Variants in PAX5 observed in about 807,000 individuals in gnomAD.
PAX5 encodes paired box protein Pax-5.
Under a neutral mutation model 43.7 loss-of-function variants are expected in PAX5, and 9 were observed. The observed-to-expected ratio is 0.21, with a 90% CI of 0.12 to 0.36. PAX5 has a LOEUF of 0.36. Ranked by LOEUF, PAX5 falls within the 10% of genes least tolerant of loss-of-function variation. PAX5 has a pLI of 1.00. For missense variants in PAX5, 383 were observed against 532.7 expected, an observed-to-expected ratio of 0.72 and a Z score of 2.77; for synonymous variants, 228 against 214.3, an observed-to-expected ratio of 1.06 and a Z score of -0.56.
In PAX5 at chr9:36,852,879, A is replaced by AT. The variant is rs1823298911; in HGVS notation, c.1013-5951dup. Among the ~76,000 whole-genome samples, 3 of 152,280 alleles carry AT rather than the reference A, an allele frequency of 2.0e-5. No homozygotes were observed. In the South Asian group the frequency reaches 6.2e-4, roughly 32 times the overall value. On this transcript the variant is annotated intron_variant, in intron 8 of 9. Transcript: ENST00000358127. ...AGCAGGGCCTGGGACCCTGGCCTAT[A>AT]TTCCCAGACCCCAGGGATCCCACCA...
chr9:36,917,829 G>A (rs149244303), intron 7 of PAX5, among the ~76,000 whole-genome samples: 73 of 152,320 alleles, frequency 4.8e-4, no homozygotes, highest in Non-Finnish European at 8.7e-4. Flanking sequence ...CTCCCTTCCT[G>A]TCTCTGGGTC....
At chr9:37,023,145 G>C (rs1839999893) in intron 1 of PAX5, among the ~76,000 whole-genome samples, 1 of 152,090 alleles carries the variant, frequency 6.6e-6, no homozygotes, top group Non-Finnish European at 1.5e-5. Context: ...GAGAGAGAGA[G>C]CCTGGAAAGG....
In PAX5 at chr9:36,966,468, G is replaced by A. The variant is rs144142431; in HGVS notation, c.780+81C>T. The A allele has an allele frequency of 1.2e-4, 185 of 1,487,364 alleles. No homozygotes were observed. In the African/African-American group the frequency reaches 2.2e-3, roughly 18 times the overall value. The allele number at this position is 1,487,364 out of a possible 1,614,324, so 92.1% of individuals were successfully genotyped here. On this transcript the variant is annotated intron_variant, in intron 6 of 9. Transcript: ENST00000358127. ...CCTGGTGTGCCCTCACCCACACCCC[G>A]CCAGATGCCTCTGCCTTCAGGAACC...
At chr9:36,886,982 C>T (rs891813994) in intron 7 of PAX5, among the ~76,000 whole-genome samples, 5 of 152,154 alleles carry the variant, frequency 3.3e-5, no homozygotes, top group African/African-American at 1.2e-4. Context: ...ATAACTCACT[C>T]TTTGCAATCC....
intron 8 of PAX5, among the ~76,000 whole-genome samples, chr9:36,853,327 C>T (rs1563892683): frequency 6.6e-6 from 1 of 152,084 alleles, no homozygotes; most frequent in Non-Finnish European, 1.5e-5. Flanking sequence ...GTGACCCAAA[C>T]CCCTACCAAG....
intron 8 of PAX5, among the ~76,000 whole-genome samples, chr9:36,874,127 T>C (rs1825719689): frequency 6.6e-6 from 1 of 152,140 alleles, no homozygotes; most frequent in Admixed American, 6.5e-5. Flanking sequence ...AGAACCTCAA[T>C]ACCCTTCCTA....
Position 36,947,671 on chromosome 9 carries a change from A to G in PAX5, c.780+18878T>C, listed in dbSNP as rs566092305. 7.3e-5 allele frequency among the ~76,000 whole-genome samples: 11 copies of G among 151,288 alleles called. 1 individual carries two copies. The South Asian group carries it at 2.3e-3, about 31-fold the overall frequency. ...ACATTACTGTATTACATATTATATG[A>G]TGTTTCATTATATTATATTTGTACG... On this transcript the variant is annotated intron_variant, in intron 6 of 9. Coordinates refer to ENST00000358127, the MANE Select transcript of PAX5 (RefSeq NM_016734.3).
intron 3 of PAX5, among the ~76,000 whole-genome samples, chr9:37,009,588 G>A (rs528091264): frequency 1.3e-5 from 2 of 152,118 alleles, no homozygotes; most frequent in Admixed American, 1.3e-4. Flanking sequence ...CAAAAAAATA[G>A]AAAGAATGAA....
chr9:37,025,753 C>A (rs2132531557), intron 1 of PAX5, among the ~76,000 whole-genome samples: 1 of 152,348 alleles, frequency 6.6e-6, no homozygotes, highest in South Asian at 2.1e-4. Context: ...ATGACCCTTC[C>A]CGTCTCCTAC....
chr9:36,970,257 T>C (rs532490764), intron 5 of PAX5, among the ~76,000 whole-genome samples: 25 of 152,200 alleles, frequency 1.6e-4, no homozygotes, highest in Non-Finnish European at 3.2e-4. Context: ...AGGAACTGCA[T>C]GGAACCGTGA....
intron 8 of PAX5, among the ~76,000 whole-genome samples, chr9:36,866,065 G>A (rs1422206681): frequency 6.6e-6 from 1 of 152,198 alleles, no homozygotes; most frequent in Non-Finnish European, 1.5e-5. Flanking sequence ...AGGTCAGGAA[G>A]GTGCCTCAAA....
chr9:36,981,192 C>G lies in PAX5; in HGVS notation c.605-14468G>C, dbSNP rs575768896. Among the ~76,000 whole-genome samples, 311 of 149,890 alleles carry G rather than the reference C, an allele frequency of 2.1e-3. 1 individual carries two copies. The highest frequency in any genetic ancestry group is 6.9e-3 in the Middle Eastern group (2 of 290). ...CCCTCCAAAAACAGCAAAGCCCCCCCCCCCTCAGCCCTGCTTCATTCCCTG... is the reference window on the plus strand; with the variant it reads ...CCCTCCAAAAACAGCAAAGCCCCCCGCCCCTCAGCCCTGCTTCATTCCCTG... On this transcript the variant is annotated intron_variant, in intron 5 of 9. Transcript: ENST00000358127.
intron 7 of PAX5, among the ~76,000 whole-genome samples, chr9:36,914,250 C>T (rs1190097132): frequency 6.6e-6 from 1 of 152,226 alleles, no homozygotes; most frequent in African/African-American, 2.4e-5. Flanking sequence ...TAAATGTGAA[C>T]TTGCAATTTC....
chr9:37,006,788 C>T (rs1838436335), intron 3 of PAX5, among the ~76,000 whole-genome samples: 1 of 152,234 alleles, frequency 6.6e-6, no homozygotes. Context: ...TGCACCCCCT[C>T]TCTGGGCTTC....
At position 36,843,508 on chromosome 9, in the gene PAX5, G is replaced by A. The variant is rs147176429; in HGVS notation, c.1100-2872C>T. On this transcript the variant is annotated intron_variant, in intron 9 of 9. Coordinates refer to ENST00000358127, the MANE Select transcript of PAX5 (RefSeq NM_016734.3). ...GGATGACTATCCTCAATTTACATCC[G>A]AGGCAACTGAGGCCCAGACCTGCCT... Among the ~76,000 whole-genome samples, 195 of 152,322 alleles carry A rather than the reference G, an allele frequency of 1.3e-3. 1 individual carries two copies. The highest frequency in any genetic ancestry group is 4.6e-3 in the African/African-American group (192 of 41,570).
chr9:36,981,512 T>A (rs1372093069), intron 5 of PAX5, among the ~76,000 whole-genome samples: 1 of 147,574 alleles, frequency 6.8e-6, no homozygotes, highest in Non-Finnish European at 1.5e-5. Flanking sequence ...TGGGAAATAG[T>A]GGCCACACCC....
intron 8 of PAX5, among the ~76,000 whole-genome samples, chr9:36,864,593 C>T (rs999310402): frequency 6.6e-6 from 1 of 152,226 alleles, no homozygotes; most frequent in Admixed American, 6.5e-5. Context: ...CCTCACCTGC[C>T]CCCATCGGCC....
chr9:36,903,429 A>C (rs1198260643), intron 7 of PAX5, among the ~76,000 whole-genome samples: 6 of 152,248 alleles, frequency 3.9e-5, no homozygotes, highest in Non-Finnish European at 7.3e-5. Flanking sequence ...CTTGAAAGCA[A>C]AAGAACAGAA....
At chr9:37,009,682 T>C (rs1457015011) in intron 3 of PAX5, among the ~76,000 whole-genome samples, 3 of 152,156 alleles carry the variant, frequency 2.0e-5, no homozygotes, top group Non-Finnish European at 4.4e-5. Context: ...TAAAAGAGTG[T>C]AATTGGGTTG....
Sources: allele counts gnomAD v4.1 joint callset (sites outside exome capture counted in the v4.1 genomes callset), GRCh38; gene constraint gnomAD v4.1.1; transcripts MANE v1.5; gene names NCBI Gene and HGNC (gene_info 2026-07-23, HGNC 2026-07-21).